The following LRRTM4 variants were observed in gnomAD, a reference collection of about 807,000 sequenced individuals.
LRRTM4 encodes the protein leucine-rich repeat transmembrane neuronal protein 4.
LRRTM4 carries 25 observed loss-of-function variants against 47.6 expected under a neutral mutation model. The ratio of observed to expected loss-of-function variants is 0.53; its 90% CI spans 0.38 to 0.73. The LOEUF (loss-of-function observed/expected upper bound fraction) is 0.73, where lower values mean the gene tolerates loss of function less well. LRRTM4 is among the 30% of genes least tolerant of loss of function. LRRTM4 has a pLI of 0.00. For missense variants in LRRTM4, 638 were observed against 713.4 expected (o/e 0.89, Z 1.20); for synonymous variants, 311 against 269.5 (o/e 1.15, Z -1.51).
chr2:76,954,270 T>C (rs888408140), intron 3 of LRRTM4, among the ~76,000 whole-genome samples: 9 of 151,542 alleles, frequency 5.9e-5, no homozygotes, highest in African/African-American at 2.2e-4. Context: ...TAACAAAGAA[T>C]TCAAAATAAC....
intron 3 of LRRTM4, among the ~76,000 whole-genome samples, chr2:77,187,651 A>G (rs191294387): frequency 2.6e-5 from 4 of 152,250 alleles, no homozygotes. Flanking sequence ...ACAAAATACA[A>G]AAAAAGATAT....
chr2:76,868,627 T>C (rs960910754), intron 3 of LRRTM4, among the ~76,000 whole-genome samples: 2 of 152,216 alleles, frequency 1.3e-5, no homozygotes, highest in African/African-American at 4.8e-5. Flanking sequence ...GTTCAAACTA[T>C]TTTCATATTG....
In LRRTM4 at chr2:76,974,157, T is replaced by TATATATATACATAC. The variant is rs201669735; in HGVS notation, c.1552-225242_1552-225241insGTATGTATATATAT. ...ATATATATACATATATATACATACATATATATATATACATACATATATATA... is the reference window on the plus strand; with the variant it reads ...ATATATATACATATATATACATACATATATATATACATACATATATATATACATACATATATATA... On this transcript the variant is annotated intron_variant, in intron 3 of 3. Transcript: ENST00000409884. 4.6e-3 allele frequency among the ~76,000 whole-genome samples: 375 copies of TATATATATACATAC among 82,066 alleles called. 9 individuals are homozygous for TATATATATACATAC. Among genetic ancestry groups the TATATATATACATAC allele is most frequent in the African/African-American group, 0.025 (305 of 12,154 alleles). The allele number at this position is 82,066 out of a possible 152,430, so 53.8% of individuals were successfully genotyped here.
chr2:77,360,548 TCATACATACATA>T lies in LRRTM4; in HGVS notation c.1551+157758_1551+157769del, dbSNP rs34364581. Among the ~76,000 whole-genome samples the T allele has an allele frequency of 3.4e-3, 466 of 138,684 alleles. 4 individuals are homozygous for T. The highest frequency in any genetic ancestry group is 0.023 in the East Asian group (103 of 4,494). The allele number at this position is 138,684 out of a possible 152,430, so 91.0% of individuals were successfully genotyped here. A position where few individuals can be genotyped will look rare whatever the true frequency, so the allele number is the denominator to read the frequency against. On this transcript the variant is annotated intron_variant, in intron 3 of 3. Transcript: ENST00000409884. Reference sequence around the variant, plus strand: ...ATACGATACGATACAATACAATCATTCATACATACATACATACATACATACATACATACATAC... The same window carrying T: ...ATACGATACGATACAATACAATCATTCATACATACATACATACATACATAC...
chr2:77,209,553 G>T (rs570742674), intron 3 of LRRTM4, among the ~76,000 whole-genome samples: 4 of 152,240 alleles, frequency 2.6e-5, no homozygotes, highest in Admixed American at 2.0e-4. Flanking sequence ...TTAGAGGTAG[G>T]TATTATCGAC....
intron 3 of LRRTM4, among the ~76,000 whole-genome samples, chr2:77,360,330 G>C (rs1291361085): frequency 1.3e-5 from 2 of 152,008 alleles, no homozygotes; most frequent in Non-Finnish European, 2.9e-5. Flanking sequence ...GGTGGCAGGT[G>C]CCTGTTGTCT....
chr2:77,478,217 G>C (rs866418899), intron 3 of LRRTM4, among the ~76,000 whole-genome samples: 2 of 151,976 alleles, frequency 1.3e-5, no homozygotes, highest in Middle Eastern at 3.2e-3. Context: ...GAGACAATGG[G>C]GACACACCAT....
intron 3 of LRRTM4, among the ~76,000 whole-genome samples, chr2:77,030,154 C>A (rs752201212): frequency 6.6e-6 from 1 of 152,066 alleles, no homozygotes; most frequent in East Asian, 1.9e-4. Flanking sequence ...GTAAATAGGC[C>A]GGACATGGTG....
intron 3 of LRRTM4, among the ~76,000 whole-genome samples, chr2:77,288,609 A>G (rs1372195268): frequency 6.6e-6 from 1 of 152,096 alleles, no homozygotes; most frequent in Non-Finnish European, 1.5e-5. Flanking sequence ...ATCTATAAAG[A>G]TATAATTCAT....
chr2:76,972,894 A>G (rs1676270723), intron 3 of LRRTM4, among the ~76,000 whole-genome samples: 1 of 151,778 alleles, frequency 6.6e-6, no homozygotes, highest in South Asian at 2.1e-4. Flanking sequence ...TGGAATAAGT[A>G]TAATACAAAA....
intron 3 of LRRTM4, among the ~76,000 whole-genome samples, chr2:77,417,179 A>T (rs1674668777): frequency 5.3e-5 from 8 of 152,216 alleles, no homozygotes; most frequent in Admixed American, 5.2e-4. Context: ...ATGCAAATCA[A>T]AACCACAATG....
intron 3 of LRRTM4, among the ~76,000 whole-genome samples, chr2:77,473,524 T>G (rs901834452): frequency 6.6e-6 from 1 of 152,068 alleles, no homozygotes; most frequent in Non-Finnish European, 1.5e-5. Context: ...GCGGGGCTGG[T>G]GCACAAGTAA....
intron 3 of LRRTM4, among the ~76,000 whole-genome samples, chr2:77,163,931 A>C (rs1170891489): frequency 1.3e-5 from 2 of 152,196 alleles, no homozygotes; most frequent in African/African-American, 2.4e-5. Context: ...CTAACATCAT[A>C]ATGATAGGAT....
chr2:76,851,060 G>A (rs951052797), intron 3 of LRRTM4, among the ~76,000 whole-genome samples: 3 of 152,096 alleles, frequency 2.0e-5, no homozygotes, highest in Non-Finnish European at 1.5e-5. Flanking sequence ...TTGGGCTAAG[G>A]GCCCAGTTTT....
chr2:77,074,494 T>G (rs1370420022), intron 3 of LRRTM4, among the ~76,000 whole-genome samples: 1 of 152,108 alleles, frequency 6.6e-6, no homozygotes, highest in African/African-American at 2.4e-5. Context: ...AGGCTGAATA[T>G]TCAACACCCC....
At chr2:77,456,564 C>G (rs1676550045) in intron 3 of LRRTM4, among the ~76,000 whole-genome samples, 1 of 152,100 alleles carries the variant, frequency 6.6e-6, no homozygotes, top group Admixed American at 6.6e-5. Flanking sequence ...CATTCTCTCT[C>G]CATTAGTATT....
At chr2:77,177,207 C>T (rs184732671) in intron 3 of LRRTM4, among the ~76,000 whole-genome samples, 5 of 152,280 alleles carry the variant, frequency 3.3e-5, no homozygotes, top group African/African-American at 9.6e-5. Context: ...CTGTTCACTG[C>T]TCTTGAATTC....
At chr2:77,192,627 C>A (rs1673702381) in intron 3 of LRRTM4, among the ~76,000 whole-genome samples, 1 of 141,654 alleles carries the variant, frequency 7.1e-6, no homozygotes, top group Admixed American at 7.3e-5. Flanking sequence ...CTGTAGACTG[C>A]ACAATTTCCA....
intron 3 of LRRTM4, among the ~76,000 whole-genome samples, chr2:77,485,509 G>T (rs999197941): frequency 7.9e-5 from 12 of 152,174 alleles, no homozygotes; most frequent in Admixed American, 7.9e-4. Context: ...GTATAATGGG[G>T]TTACCAGGAT....
Sources: gnomAD v4.1 joint callset for allele counts (sites outside exome capture counted in the v4.1 genomes callset) on GRCh38, gnomAD v4.1.1 for gene constraint, MANE v1.5 for transcripts, NCBI Gene and HGNC (gene_info 2026-07-23, HGNC 2026-07-21) for gene names.